PLCH1: variants seen among roughly 807,000 people sequenced by gnomAD.
PLCH1 encodes 1-phosphatidylinositol 4,5-bisphosphate phosphodiesterase eta-1.
A neutral mutation model predicts 126.7 loss-of-function variants in PLCH1; 60 were observed. That is an observed-to-expected ratio of 0.47 (90% CI 0.38 to 0.59). The LOEUF is 0.59. Ranked by LOEUF, PLCH1 falls within the 20% of genes least tolerant of loss-of-function variation. The pLI is 0.00. For missense variants in PLCH1, 1,723 were observed against 2,040.0 expected, an observed-to-expected ratio of 0.84 and a Z score of 2.99; for synonymous variants, 719 against 734.9, an observed-to-expected ratio of 0.98 and a Z score of 0.35.
downstream of PLCH1, among the ~76,000 whole-genome samples, chr3:155,477,702 T>C (rs919396775): frequency 1.3e-5 from 2 of 152,056 alleles, no homozygotes; most frequent in African/African-American, 4.8e-5. Context: ...TGAGATATCA[T>C]CTCACCCCAG....
intron 2 of PLCH1, among the ~76,000 whole-genome samples, chr3:155,677,421 G>A (rs1447909641): frequency 6.6e-6 from 1 of 152,086 alleles, no homozygotes; most frequent in Non-Finnish European, 1.5e-5. Flanking sequence ...GGTATATGTG[G>A]GCACACACAA....
At chr3:155,504,735 A>C in intron 12 of PLCH1, 109 bp from the exon 13 acceptor site, 4 of 696,576 alleles carry the variant, frequency 5.7e-6, no homozygotes, top group Non-Finnish European at 1.0e-5. Context: ...GTTTGCCTCT[A>C]GGTGAGAAAC....
chr3:155,670,956 C>T (rs1468788575), intron 2 of PLCH1, among the ~76,000 whole-genome samples: 1 of 152,122 alleles, frequency 6.6e-6, no homozygotes, highest in Non-Finnish European at 1.5e-5. Flanking sequence ...AACCTGTCGG[C>T]TGGGGAAAGG....
intron 8 of PLCH1, among the ~76,000 whole-genome samples, chr3:155,560,371 A>C (rs569813): frequency 0.52 from 79,170 of 151,940 alleles, 22,890 homozygotes; most frequent in Non-Finnish European, 0.66. Flanking sequence ...ACCTTGAGAC[A>C]TCTTACTGCT....
At chr3:155,628,735 T>A (rs1375118930) in intron 2 of PLCH1, among the ~76,000 whole-genome samples, 1 of 152,192 alleles carries the variant, frequency 6.6e-6, no homozygotes, top group African/African-American at 2.4e-5. Flanking sequence ...ACAATAGGCT[T>A]GGAAATTTCT....
At chr3:155,460,134 T>TA (rs1712653932) in intron 21 of PLCH1, among the ~76,000 whole-genome samples, 5 of 152,200 alleles carry the variant, frequency 3.3e-5, no homozygotes, top group African/African-American at 1.2e-4. Context: ...GAACATAGGA[T>TA]GATGCTGGAC....
chr3:155,726,101 C>G (rs1748298070), intron 1 of PLCH1, among the ~76,000 whole-genome samples: 1 of 152,218 alleles, frequency 6.6e-6, no homozygotes, highest in East Asian at 1.9e-4. Context: ...TTTTGCTTCT[C>G]CAACTTATGT....
At chr3:155,613,635 G>A (rs141915466) in intron 2 of PLCH1, among the ~76,000 whole-genome samples, 418 of 152,214 alleles carry the variant, frequency 2.7e-3, no homozygotes, top group African/African-American at 9.6e-3. Flanking sequence ...CAAAACTGCC[G>A]TAGAAGGGAC....
chr3:155,714,886 C>T (rs1169173402), intron 1 of PLCH1, among the ~76,000 whole-genome samples: 2 of 152,096 alleles, frequency 1.3e-5, no homozygotes, highest in Non-Finnish European at 2.9e-5. Flanking sequence ...GCTTTTATAT[C>T]GAAGTTATCA....
intron 1 of PLCH1, among the ~76,000 whole-genome samples, chr3:155,724,337 G>A (rs1748158915): frequency 6.6e-6 from 1 of 152,120 alleles, no homozygotes; most frequent in South Asian, 2.1e-4. Context: ...TGTCAGTGGA[G>A]TATTACAGTC....
chr3:155,637,152 G>A (rs995444394), intron 2 of PLCH1, among the ~76,000 whole-genome samples: 17 of 152,054 alleles, frequency 1.1e-4, no homozygotes, highest in African/African-American at 3.6e-4. Flanking sequence ...CAAACTGATT[G>A]GACCGTAAGC....
At chr3:155,500,108 AT>A (rs1449836269) in intron 14 of PLCH1, among the ~76,000 whole-genome samples, 1 of 152,204 alleles carries the variant, frequency 6.6e-6, no homozygotes, top group African/African-American at 2.4e-5. Flanking sequence ...GTAATGAATC[AT>A]GTGTCACGAT....
intron 21 of PLCH1, among the ~76,000 whole-genome samples, chr3:155,471,241 G>C (rs1037727383): frequency 3.3e-5 from 5 of 152,070 alleles, no homozygotes; most frequent in African/African-American, 1.2e-4. Flanking sequence ...GACCTACCAA[G>C]CAAATGGAAA....
At chr3:155,614,460 T>C (rs1214048893) in intron 2 of PLCH1, among the ~76,000 whole-genome samples, 1 of 148,178 alleles carries the variant, frequency 6.7e-6, no homozygotes, top group African/African-American at 2.5e-5. Flanking sequence ...CACAGACCAA[T>C]AGAACAGAAT....
At chr3:155,601,034 G>A (rs1733660083) in intron 2 of PLCH1, among the ~76,000 whole-genome samples, 1 of 152,184 alleles carries the variant, frequency 6.6e-6, no homozygotes, top group South Asian at 2.1e-4. Context: ...GAGTGCAGTG[G>A]CGTGATCTCG....
At chr3:155,706,558 T>C (rs1746687929) in intron 1 of PLCH1, among the ~76,000 whole-genome samples, 1 of 151,148 alleles carries the variant, frequency 6.6e-6, no homozygotes, top group African/African-American at 2.4e-5. Context: ...AGGCGGAGGT[T>C]GCAGTGAGCT....
At chr3:155,670,029 A>G (rs6807243) in intron 2 of PLCH1, among the ~76,000 whole-genome samples, 25,432 of 152,158 alleles carry the variant, frequency 0.17, 2,731 homozygotes, top group African/African-American at 0.31. Flanking sequence ...AACCATGGTT[A>G]TGTCCAAGGA....
Position 155,480,088 on chromosome 3 carries a change from GATTTT to G in PLCH1, c.*875_*879del, listed in dbSNP as rs1270124860. ...TTTCTTCTAATTATCTGTTCACTTG[GATTTT>G]ATTATGAGAAAATATTCTGTGAAAG... is the stretch of plus-strand genomic sequence containing the variant. On this transcript the variant is annotated 3_prime_UTR_variant, in exon 23 of 23. Transcript: ENST00000460012. The G allele has an allele frequency of 6.6e-6, 1 of 152,548 alleles. No homozygotes were observed. Among genetic ancestry groups the G allele is most frequent in the African/African-American group, 2.4e-5 (1 of 41,434 alleles). 9.4% of individuals were successfully genotyped at this position (152,548 alleles called of 1,614,324 possible). A position where few individuals can be genotyped will look rare whatever the true frequency, so the allele number is the denominator to read the frequency against.
chr3:155,615,283 A>T (rs1325998157), intron 2 of PLCH1, among the ~76,000 whole-genome samples: 2 of 152,128 alleles, frequency 1.3e-5, no homozygotes, highest in African/African-American at 4.8e-5. Flanking sequence ...ATCAAAAAAT[A>T]CTAAGTGTTG....
Sources: gnomAD v4.1 joint callset for allele counts (sites outside exome capture counted in the v4.1 genomes callset) on GRCh38, gnomAD v4.1.1 for gene constraint, MANE v1.5 for transcripts, NCBI Gene and HGNC (gene_info 2026-07-23, HGNC 2026-07-21) for gene names.